ATP13A4: variants seen among roughly 807,000 people sequenced by gnomAD.
ATP13A4 encodes probable cation-transporting ATPase 13A4.
ATP13A4 carries 114 observed loss-of-function variants against 142.5 expected under a neutral mutation model. The ratio of observed to expected loss-of-function variants is 0.80; its 90% CI spans 0.69 to 0.93. ATP13A4 has a LOEUF of 0.93. Among genes scored for constraint, ATP13A4 ranks in the 40% least tolerant of loss-of-function variants. The probability of loss-of-function intolerance (pLI) is 0.00; values close to 1 mark genes in which losing one functional copy is unlikely to be tolerated. For missense variants in ATP13A4, 1,392 were observed against 1,454.0 expected, an observed-to-expected ratio of 0.96 and a Z score of 0.69; for synonymous variants, 488 against 514.8, an observed-to-expected ratio of 0.95 and a Z score of 0.70.
At position 193,517,567 on chromosome 3, in the gene ATP13A4, G is replaced by A. The variant is rs367984993; in HGVS notation, c.61-2696C>T. Among the ~76,000 whole-genome samples the A allele has an allele frequency of 7.2e-5, 11 of 152,094 alleles. No homozygotes were observed. The South Asian group carries it at 1.5e-3, about 20-fold the overall frequency. On this transcript the variant is annotated intron_variant, in intron 1 of 29. Coordinates refer to ENST00000342695, the MANE Select transcript of ATP13A4 (RefSeq NM_032279.4). ...GCGATCTCGGCTCACTGCAAGCTCCGCCTCCCGGGTTCACGCCATTCTCCT... is the reference window on the plus strand; with the variant it reads ...GCGATCTCGGCTCACTGCAAGCTCCACCTCCCGGGTTCACGCCATTCTCCT...
At chr3:193,433,514 T>TATCCTA (rs1716092497) in intron 25 of ATP13A4, among the ~76,000 whole-genome samples, 2 of 152,198 alleles carry the variant, frequency 1.3e-5, no homozygotes, top group African/African-American at 4.8e-5. Context: ...TGGGTACATT[T>TATCCTA]TAACTATAAC....
chr3:193,538,315 G>T (rs1456656333), intron 1 of ATP13A4, among the ~76,000 whole-genome samples: 1 of 151,974 alleles, frequency 6.6e-6, no homozygotes, highest in Non-Finnish European at 1.5e-5. Flanking sequence ...CTTCTTACAG[G>T]TCTGGAAAAA....
chr3:193,428,587 T>C (rs945120124), intron 25 of ATP13A4, among the ~76,000 whole-genome samples: 72 of 152,116 alleles, frequency 4.7e-4, no homozygotes, highest in African/African-American at 1.7e-3. Context: ...GTGGCACATA[T>C]ATACCATGGA....
chr3:193,469,447 G>T (rs903328345), intron 9 of ATP13A4, among the ~76,000 whole-genome samples: 1 of 152,116 alleles, frequency 6.6e-6, no homozygotes, highest in Non-Finnish European at 1.5e-5. Flanking sequence ...CCAACATCGT[G>T]AAACGCCACC....
intron 7 of ATP13A4, among the ~76,000 whole-genome samples, chr3:193,487,106 A>G (rs1050484272): frequency 6.6e-6 from 1 of 152,184 alleles, no homozygotes; most frequent in Non-Finnish European, 1.5e-5. Flanking sequence ...CTATCAAAAG[A>G]GAACGGAAAA....
rs747438557 is a variant in ATP13A4 at position 193,400,661 on chromosome 3, C to T, written c.*1991G>A. Among the ~76,000 whole-genome samples, 6 of 152,204 alleles carry T rather than the reference C, an allele frequency of 3.9e-5. No individual in the cohort carries two copies. Among genetic ancestry groups the T allele is most frequent in the Non-Finnish European group, 5.9e-5 (4 of 68,046 alleles). ...TGCTCTTGCCATTACTGAATCTCAG[C>T]TTTCTCATCTGTATGGTGGAGATGA... On this transcript the variant is annotated 3_prime_UTR_variant, in exon 30 of 30. Coordinates refer to ENST00000342695, the MANE Select transcript of ATP13A4 (RefSeq NM_032279.4).
At chr3:193,467,862 C>A (rs1433990230) in intron 9 of ATP13A4, among the ~76,000 whole-genome samples, 2 of 152,076 alleles carry the variant, frequency 1.3e-5, no homozygotes, top group African/African-American at 4.8e-5. Flanking sequence ...ATGGAGAACC[C>A]TAACTGTCCA....
intron 1 of ATP13A4, among the ~76,000 whole-genome samples, chr3:193,583,123 G>A (rs771769180): frequency 2.6e-5 from 4 of 150,978 alleles, no homozygotes; most frequent in Admixed American, 1.3e-4. Flanking sequence ...TGGTCAATAC[G>A]TACTTTACTA....
At chr3:193,539,222 T>C (rs1722753633) in intron 1 of ATP13A4, among the ~76,000 whole-genome samples, 1 of 152,158 alleles carries the variant, frequency 6.6e-6, no homozygotes, top group African/African-American at 2.4e-5. Flanking sequence ...CAGTGGGCCA[T>C]ATGTCCCCAA....
intron 24 of ATP13A4, among the ~76,000 whole-genome samples, chr3:193,435,321 A>C (rs1716204156): frequency 6.6e-6 from 1 of 152,078 alleles, no homozygotes; most frequent in Non-Finnish European, 1.5e-5. Flanking sequence ...TTCTTTAGTG[A>C]GTGGTAGACT....
intron 16 of ATP13A4, among the ~76,000 whole-genome samples, chr3:193,455,050 G>A (rs1717508181): frequency 6.6e-6 from 1 of 152,020 alleles, no homozygotes; most frequent in Admixed American, 6.6e-5. Context: ...TTAAAAAGTG[G>A]GCAAAGGGCC....
intron 8 of ATP13A4, among the ~76,000 whole-genome samples, chr3:193,482,514 T>A (rs1037615342): frequency 3.3e-5 from 5 of 152,202 alleles, no homozygotes; most frequent in African/African-American, 4.8e-5. Flanking sequence ...TGCAAATCAT[T>A]TATCTGATAA....
chr3:193,498,352 G>C (rs956090609), intron 3 of ATP13A4, among the ~76,000 whole-genome samples: 8 of 151,950 alleles, frequency 5.3e-5, no homozygotes, highest in African/African-American at 1.9e-4. Flanking sequence ...AAAAAAAAAG[G>C]AAGTGAGGGT....
intron 9 of ATP13A4, among the ~76,000 whole-genome samples, 171 bp downstream of exon 9, chr3:193,470,688 T>C (rs112002556): frequency 6.6e-6 from 1 of 152,154 alleles, no homozygotes; most frequent in African/African-American, 2.4e-5. Flanking sequence ...AACCCTCAGA[T>C]CCATTCGCAG....
At chr3:193,440,233 C>T (rs529507257) in intron 21 of ATP13A4, 2 of 312,450 alleles carry the variant, frequency 6.4e-6, no homozygotes, top group South Asian at 7.4e-5. Flanking sequence ...GAGCTCAAGC[C>T]ACCTTTCCAT....
intron 8 of ATP13A4, among the ~76,000 whole-genome samples, chr3:193,473,551 C>T (rs1262308789): frequency 6.6e-6 from 1 of 152,052 alleles, no homozygotes; most frequent in East Asian, 1.9e-4. Context: ...TATCTCTCAA[C>T]AAAATAACCA....
At chr3:193,484,780 A>C (rs1719507453) in intron 7 of ATP13A4, among the ~76,000 whole-genome samples, 1 of 152,260 alleles carries the variant, frequency 6.6e-6, no homozygotes, top group Non-Finnish European at 1.5e-5. Flanking sequence ...AATGAACAAA[A>C]GAGATATGGT....
chr3:193,527,636 T>G (rs966198011), intron 1 of ATP13A4, among the ~76,000 whole-genome samples: 5 of 150,012 alleles, frequency 3.3e-5, no homozygotes, highest in Admixed American at 2.0e-4. Flanking sequence ...AGGGCAGCAC[T>G]TCCCCCCTCC....
At chr3:193,556,267 C>A (rs1040915802), upstream of ATP13A4, among the ~76,000 whole-genome samples, 15 of 152,048 alleles carry the variant, frequency 9.9e-5, no homozygotes, top group South Asian at 2.1e-4. Flanking sequence ...TTATTTTTAC[C>A]TTCACCATGT....
Sources: allele counts gnomAD v4.1 joint callset (sites outside exome capture counted in the v4.1 genomes callset), GRCh38; gene constraint gnomAD v4.1.1; transcripts MANE v1.5; gene names NCBI Gene and HGNC (gene_info 2026-07-23, HGNC 2026-07-21).